Variants in LRP6 observed in about 807,000 individuals in gnomAD.
LRP6 encodes LDL receptor related protein 6, also known as low-density lipoprotein receptor-related protein 6.
LRP6 carries 43 observed loss-of-function variants against 184.1 expected under a neutral mutation model. The ratio of observed to expected loss-of-function variants is 0.23; its 90% CI spans 0.18 to 0.30. The LOEUF (loss-of-function observed/expected upper bound fraction) is 0.30, where lower values mean the gene tolerates loss of function less well. Ranked by LOEUF, LRP6 falls within the 10% of genes least tolerant of loss-of-function variation. The probability of loss-of-function intolerance (pLI) is 1.00; values close to 1 mark genes in which losing one functional copy is unlikely to be tolerated. For missense variants in LRP6, 1,571 were observed against 2,005.3 expected (o/e 0.78, Z 4.14); for synonymous variants, 719 against 684.9 (o/e 1.05, Z -0.78).
At chr12:12,174,098 C>A (rs1243229343) in intron 7 of LRP6, among the ~76,000 whole-genome samples, 4 of 151,796 alleles carry the variant, frequency 2.6e-5, no homozygotes, top group Non-Finnish European at 5.9e-5. Context: ...ATTTCTCAAA[C>A]TGAAGTATAA....
Position 12,118,612 on chromosome 12 carries a change from A to C in LRP6, c.*2514T>G, listed in dbSNP as rs898954288. On this transcript the variant is annotated 3_prime_UTR_variant, in exon 23 of 23. Transcript: ENST00000261349. Reference sequence around the variant, plus strand: ...CAATTACAGCTTGTGTTTGATAATCAATATACAGTTTACTTAAGCTTAACT... The same window carrying C: ...CAATTACAGCTTGTGTTTGATAATCCATATACAGTTTACTTAAGCTTAACT... 1 of 152,160 alleles carries C rather than the reference A, an allele frequency of 6.6e-6. No homozygotes were observed. Among genetic ancestry groups the C allele is most frequent in the African/African-American group, 2.4e-5 (1 of 41,436 alleles). 9.4% of individuals were successfully genotyped at this position (152,160 alleles called of 1,614,324 possible). A position where few individuals can be genotyped will look rare whatever the true frequency, so the allele number is the denominator to read the frequency against.
intron 12 of LRP6, chr12:12,155,229 G>A: frequency 1.4e-6 from 1 of 700,858 alleles, no homozygotes; most frequent in South Asian, 1.4e-5. Flanking sequence ...AAGTCTTTCA[G>A]CCAGAACTGC....
At chr12:12,204,429 A>C (rs1052628889) in intron 2 of LRP6, among the ~76,000 whole-genome samples, 1 of 152,136 alleles carries the variant, frequency 6.6e-6, no homozygotes, top group Non-Finnish European at 1.5e-5. Context: ...GAAAAGGCAA[A>C]ACTGATGTAG....
Position 12,227,381 on chromosome 12 carries a change from G to C in LRP6, c.449+16881C>G, listed in dbSNP as rs142089297. The stretch of plus-strand genomic sequence containing the variant: ...AGTAACGGCATTAGAGAAGGAATAA[G>C]TGAAGGTAAAATAAAAACTTTCTTT... On this transcript the variant is annotated intron_variant, in intron 2 of 22. Coordinates refer to ENST00000261349, the MANE Select transcript of LRP6 (RefSeq NM_002336.3). Among the ~76,000 whole-genome samples the C allele has an allele frequency of 1.5e-3, 220 of 151,410 alleles. 1 individual carries two copies. The highest frequency in any genetic ancestry group is 4.9e-3 in the African/African-American group (201 of 41,364).
chr12:12,160,037 A>G (rs929813090), intron 10 of LRP6, 73 bp from the exon 11 acceptor site: 2 of 1,089,486 alleles, frequency 1.8e-6, no homozygotes, highest in Non-Finnish European at 2.6e-6. Flanking sequence ...ATTCATGCAA[A>G]GTAACTAAAT....
chr12:12,245,633 G>A (rs539923777), intron 1 of LRP6, among the ~76,000 whole-genome samples: 2 of 152,204 alleles, frequency 1.3e-5, no homozygotes, highest in African/African-American at 4.8e-5. Context: ...TCTTAGTAAA[G>A]CTACTTTATT....
Position 12,119,253 on chromosome 12 carries a change from AAC to A in LRP6, c.*1871_*1872del, listed in dbSNP as rs1949561086. 1.3e-5 allele frequency: 2 copies of A among 152,204 alleles called. No homozygotes were observed. Among genetic ancestry groups the A allele is most frequent in the African/African-American group, 2.4e-5 (1 of 41,442 alleles). 9.4% of individuals were successfully genotyped at this position (152,204 alleles called of 1,614,324 possible). A position where few individuals can be genotyped will look rare whatever the true frequency, so the allele number is the denominator to read the frequency against. ...TACTTAGGTATTTTTAACTTGCATG[AAC>A]AGTTACTTCACCCTTGCCCAAATTC... On this transcript the variant is annotated 3_prime_UTR_variant, in exon 23 of 23. Transcript: ENST00000261349.
At chr12:12,229,979 C>A (rs1250539537) in intron 2 of LRP6, among the ~76,000 whole-genome samples, 2 of 152,150 alleles carry the variant, frequency 1.3e-5, no homozygotes, top group Non-Finnish European at 2.9e-5. Flanking sequence ...GCTATTCATC[C>A]AAAAATCATG....
intron 20 of LRP6, among the ~76,000 whole-genome samples, chr12:12,126,443 T>G (rs1012986171): frequency 6.6e-6 from 1 of 152,354 alleles, no homozygotes; most frequent in African/African-American, 2.4e-5. Context: ...AGAATTGCAG[T>G]CAGAGAGGCT....
intron 16 of LRP6, among the ~76,000 whole-genome samples, chr12:12,136,472 T>C (rs1296209721): frequency 2.0e-5 from 3 of 152,252 alleles, no homozygotes; most frequent in Admixed American, 2.0e-4. Flanking sequence ...TCTAACTTCC[T>C]CATACATGGG....
rs1865135007 is a variant in LRP6, at chr12:12,244,357, C to A, written c.354G>T (p.Arg118=). 6.2e-7 allele frequency: 1 copy of A among 1,614,062 alleles called. No individual in the cohort carries two copies. ...KLYWTDSETN[R]IEVSNLDGSL... Reference sequence around the variant, plus strand: ...ATCCATCTAAATTAGAAACTTCAATCCGATTAGTTTCAGAATCTGTCCAGT... The same window carrying A: ...ATCCATCTAAATTAGAAACTTCAATACGATTAGTTTCAGAATCTGTCCAGT... Residue 118 remains arginine, a synonymous_variant, in exon 2 of 23, where the codon CGG becomes CGT. Coordinates refer to ENST00000261349, the MANE Select transcript of LRP6 (RefSeq NM_002336.3).
intron 3 of LRP6, among the ~76,000 whole-genome samples, chr12:12,198,570 G>T (rs1252163032): frequency 8.9e-6 from 1 of 111,756 alleles, no homozygotes; most frequent in Admixed American, 1.3e-4. Context: ...AGTTTTGCTC[G>T]TCACCCAGGT....
intron 12 of LRP6, among the ~76,000 whole-genome samples, chr12:12,154,428 CCT>C (rs968993848): frequency 5.9e-5 from 9 of 152,316 alleles, no homozygotes; most frequent in African/African-American, 1.7e-4. Flanking sequence ...CCACCTAACC[CCT>C]GACATAATTT....
rs774516516 is a variant in LRP6, at chr12:12,130,765, G to T, written c.4081+18C>A. The T allele has an allele frequency of 5.5e-6, 8 of 1,463,822 alleles. No homozygotes were observed. The highest frequency in any genetic ancestry group is 5.0e-5 in the Admixed American group (3 of 59,772). The allele number at this position is 1,463,822 out of a possible 1,614,324, so 90.7% of individuals were successfully genotyped here. The stretch of plus-strand genomic sequence containing the variant: ...AATTCTCTGTTAAGAGTAATTTATA[G>T]ATCTCAGTCCTACTTACAACAATCC... On this transcript the variant is annotated intron_variant, in intron 19 of 22. Coordinates refer to ENST00000261349, the MANE Select transcript of LRP6 (RefSeq NM_002336.3).
At chr12:12,157,507 T>A (rs1862621256) in intron 12 of LRP6, among the ~76,000 whole-genome samples, 1 of 152,180 alleles carries the variant, frequency 6.6e-6, no homozygotes, top group Admixed American at 6.5e-5. Context: ...AATAAAGGCT[T>A]AAAGAATTTA....
chr12:12,129,011 G>A (rs1419967191), intron 19 of LRP6, among the ~76,000 whole-genome samples: 3 of 152,058 alleles, frequency 2.0e-5, no homozygotes, highest in Non-Finnish European at 2.9e-5. Flanking sequence ...CAAGTCATTC[G>A]TAAATGGTGA....
chr12:12,198,691 G>A lies in LRP6; in HGVS notation c.647+4512C>T, dbSNP rs920368412. Among the ~76,000 whole-genome samples, 5 of 151,678 alleles carry A rather than the reference G, an allele frequency of 3.3e-5. No homozygotes were observed. The East Asian group carries it at 5.8e-4, about 18-fold the overall frequency. On this transcript the variant is annotated intron_variant, in intron 3 of 22. Coordinates refer to ENST00000261349, the MANE Select transcript of LRP6 (RefSeq NM_002336.3). The stretch of plus-strand genomic sequence containing the variant: ...TGTGATTACAGGCGTGCATCACCAC[G>A]TCCAGCAAATTTTTGTATTTTTAGT...
intron 21 of LRP6, 144 bp downstream of exon 21, chr12:12,125,152 T>G (rs1382646033): frequency 1.9e-5 from 15 of 809,394 alleles, no homozygotes; most frequent in Non-Finnish European, 2.5e-5. Context: ...TGGTGGTGTG[T>G]GGTAAGTCCT....
intron 22 of LRP6, among the ~76,000 whole-genome samples, chr12:12,123,910 T>C (rs1461011259): frequency 2.0e-5 from 3 of 152,214 alleles, no homozygotes; most frequent in Non-Finnish European, 4.4e-5. Context: ...TGTTGCTGTT[T>C]TAAACTCTCA....
Sources: gnomAD v4.1 joint callset for allele counts (sites outside exome capture counted in the v4.1 genomes callset) on GRCh38, gnomAD v4.1.1 for gene constraint, MANE v1.5 for transcripts, NCBI Gene and HGNC (gene_info 2026-07-23, HGNC 2026-07-21) for gene names.